HIP1R: variants seen among roughly 807,000 people sequenced by gnomAD.
HIP1R encodes the protein huntingtin-interacting protein 1-related protein.
A neutral mutation model predicts 144.2 loss-of-function variants in HIP1R; 135 were observed. The observed-to-expected ratio is 0.94, with a 90% CI of 0.81 to 1.08. The LOEUF (loss-of-function observed/expected upper bound fraction) is 1.08, where lower values mean the gene tolerates loss of function less well. HIP1R is among the 50% of genes least tolerant of loss of function. The pLI, the probability that HIP1R is intolerant of heterozygous loss-of-function variation, is 0.00. For synonymous variants in HIP1R, 698 were observed against 612.8 expected (o/e 1.14, Z -2.05); for missense variants, 1,462 against 1,432.8 (o/e 1.02, Z -0.33).
Position 122,835,642 on chromosome 12 carries a change from A to C in HIP1R, c.92A>C (p.Gln31Pro). The change falls in exon 1 of 32, where the codon CAG (glutamine) becomes CCG (proline). Residue 31 changes from glutamine to proline, a missense_variant and splice_region_variant. Transcript: ENST00000253083. ...GAGCGCGAGCAGTTCGACAAGACCC[A>C]GGCGAGCGGGCGGCGGGCGGCGGGC... ...EAEREQFDKT[Q>P]AISISKAINT... 3 of 1,099,558 alleles carry C rather than the reference A, an allele frequency of 2.7e-6. No homozygotes were observed. Among genetic ancestry groups the C allele is most frequent in the Non-Finnish European group, 3.3e-6 (3 of 907,858 alleles). 68.1% of individuals were successfully genotyped at this position (1,099,558 alleles called of 1,614,324 possible).
chr12:122,852,474 C>T (rs977293001), intron 7 of HIP1R, among the ~76,000 whole-genome samples: 1 of 152,222 alleles, frequency 6.6e-6, no homozygotes, highest in Non-Finnish European at 1.5e-5. Flanking sequence ...TGGGAGAAGG[C>T]CAGTGTGGGC....
intron 2 of HIP1R, 105 bp downstream of exon 2, chr12:122,848,199 C>A: frequency 7.9e-7 from 1 of 1,264,114 alleles, no homozygotes; most frequent in African/African-American, 1.5e-5. Context: ...CAAGTTCCCT[C>A]ACTGAGCCCG....
intron 5 of HIP1R, 68 bp downstream of exon 5, chr12:122,850,023 C>T (rs779328558): frequency 6.9e-6 from 7 of 1,018,710 alleles, no homozygotes; most frequent in Non-Finnish European, 1.1e-5. Flanking sequence ...CGTTATGGCA[C>T]ATGTTGGGAC....
At chr12:122,855,010 C>T (rs776752371) in intron 9 of HIP1R, 43 bp from the exon 10 acceptor site, 2 of 1,613,536 alleles carry the variant, frequency 1.2e-6, no homozygotes, top group Non-Finnish European at 1.7e-6. Flanking sequence ...GGGAGAGGCT[C>T]CGTGGCCCCT....
At chr12:122,858,530 G>C in intron 20 of HIP1R, 95 bp downstream of exon 20, 1 of 1,043,848 alleles carries the variant, frequency 9.6e-7, no homozygotes, top group South Asian at 1.6e-5. Flanking sequence ...ACAGACAGCA[G>C]GGACCTCTCT....
Position 122,859,158 on chromosome 12 carries a change from G to T in HIP1R, c.2256G>T (p.Leu752=). 2.5e-6 allele frequency: 4 copies of T among 1,579,748 alleles called. No individual in the cohort carries two copies. Among genetic ancestry groups the T allele is most frequent in the Non-Finnish European group, 3.4e-6 (4 of 1,163,690 alleles). The change falls in exon 22 of 32, where the codon CTG becomes CTT. Residue 752 remains leucine, a synonymous_variant. Coordinates refer to ENST00000253083, the MANE Select transcript of HIP1R (RefSeq NM_003959.3). ...CTCTGCGGCACATGCAGGCCAGCCT[G>T]GTGCGGACACCCCTGCAGGGCATCC... ...QQALRHMQAS[L]VRTPLQGILQ...
chr12:122,856,018 T>C lies in HIP1R; in HGVS notation c.1167T>C (p.Asn389=). Residue 389 remains asparagine (N), a synonymous_variant, in exon 14 of 32, where the codon AAT becomes AAC. Coordinates refer to ENST00000253083, the MANE Select transcript of HIP1R (RefSeq NM_003959.3). ...TCGCGCAGCTGAAGAGCCAGGTGAATGCACTGGAGGGTGAGCTGGAGGAGC... is the reference window on the plus strand; with the variant it reads ...TCGCGCAGCTGAAGAGCCAGGTGAACGCACTGGAGGGTGAGCTGGAGGAGC... ...RYIAQLKSQV[N]ALEGELEEQR... 6.3e-7 allele frequency: 1 copy of C among 1,596,450 alleles called. No homozygotes were observed. The highest frequency in any genetic ancestry group is 8.5e-7 in the Non-Finnish European group (1 of 1,171,846).
At chr12:122,849,575 C>T (rs545375682) in intron 4 of HIP1R, among the ~76,000 whole-genome samples, 1 of 152,234 alleles carries the variant, frequency 6.6e-6, no homozygotes. Context: ...TGTGTCCAGG[C>T]GCCCGTCGGG....
At chr12:122,859,040 C>T (rs2033683079) in intron 21 of HIP1R, 21 bp from the exon 22 acceptor site, 5 of 1,606,018 alleles carry the variant, frequency 3.1e-6, no homozygotes, top group African/African-American at 2.7e-5. Context: ...GGGCTCCACT[C>T]ACGGTCCTTT....
intron 19 of HIP1R, 34 bp from the exon 20 acceptor site, chr12:122,858,315 G>A (rs1427711059): frequency 6.3e-7 from 1 of 1,594,250 alleles, no homozygotes; most frequent in South Asian, 1.1e-5. Context: ...TGAGCAGCGG[G>A]TGGCAGGGGC....
Position 122,859,057 on chromosome 12 carries a change from C to A in HIP1R, c.2159-4C>A. The A allele has an allele frequency of 6.2e-7, 1 of 1,606,366 alleles. No homozygotes were observed. The highest frequency in any genetic ancestry group is 8.5e-7 in the Non-Finnish European group (1 of 1,176,964). ...GCTCCACTCACGGTCCTTTCTCACC[C>A]CAGGCCTCATAGACACCTGCAGGGA... is the stretch of plus-strand genomic sequence containing the variant. On this transcript the variant is annotated splice_polypyrimidine_tract_variant and splice_region_variant and intron_variant, in intron 21 of 31. Transcript: ENST00000253083.
chr12:122,856,721 G>C lies in HIP1R; in HGVS notation c.1615G>C (p.Glu539Gln), dbSNP rs775237120. ...CGCGCAGGAGGCCCTGAGCCACACA[G>C]AGCAGGTGCATCTGGCTTTGATGAC... ...ARAQEALSHT[E>Q]QSKSELSSRL... is the part of the protein sequence containing the mutation. The change falls in exon 17 of 32, where the codon GAG becomes CAG. Residue 539 changes from glutamate (E) to glutamine (Q), a missense_variant. Glu to Gln is a conservative substitution (Grantham distance 29). Transcript: ENST00000253083. 1.6e-5 allele frequency: 25 copies of C among 1,572,226 alleles called. No homozygotes were observed. The highest frequency in any genetic ancestry group is 4.6e-5 in the East Asian group (2 of 43,222).
In HIP1R at chr12:122,860,046, G is replaced by C; in HGVS notation, c.2466-1G>C. 1 of 1,556,326 alleles carries C rather than the reference G, an allele frequency of 6.4e-7. No individual in the cohort carries two copies. The highest frequency in any genetic ancestry group is 1.4e-5 in the African/African-American group (1 of 73,390). ...GCTAAGTCTCTCCTTCTCTCCCCCA[G>C]GATCCTCAACTCCTGCACAGACCTG... On this transcript the variant is annotated splice_acceptor_variant, in intron 24 of 31. Coordinates refer to ENST00000253083, the MANE Select transcript of HIP1R (RefSeq NM_003959.3). LOFTEE classifies it high-confidence loss of function.
chr12:122,859,610 A>G, intron 23 of HIP1R, 74 bp downstream of exon 23: 2 of 1,365,960 alleles, frequency 1.5e-6, no homozygotes, highest in South Asian at 1.2e-5. Context: ...TGGGCTGGGT[A>G]CAGGCTGCAC....
intron 1 of HIP1R, among the ~76,000 whole-genome samples, chr12:122,843,812 C>T (rs10847869): frequency 1.3e-5 from 2 of 152,132 alleles, no homozygotes; most frequent in African/African-American, 4.8e-5. Context: ...CCTCCAACTC[C>T]CTTCTGCAAG....
upstream of HIP1R, chr12:122,835,147 G>A: frequency 1.7e-6 from 1 of 590,260 alleles, no homozygotes; most frequent in Admixed American, 3.3e-5. Context: ...GGGAGGAGCT[G>A]GGGGGGCGTT....
At chr12:122,845,759 T>C (rs1312236923) in intron 1 of HIP1R, among the ~76,000 whole-genome samples, 2 of 152,104 alleles carry the variant, frequency 1.3e-5, no homozygotes, top group Non-Finnish European at 2.9e-5. Context: ...ACAGGGCGGC[T>C]GCAGGAGGGT....
In HIP1R at chr12:122,856,322, T is replaced by C. The variant is rs1345239871; in HGVS notation, c.1379T>C (p.Val460Ala). 2.5e-6 allele frequency: 4 copies of C among 1,613,862 alleles called. No homozygotes were observed. The highest frequency in any genetic ancestry group is 3.4e-6 in the Non-Finnish European group (4 of 1,180,002). The change falls in exon 15 of 32, where the codon GTG (valine) becomes GCG (alanine). Residue 460 changes from valine (V) to alanine (A), a missense_variant. Val to Ala is a moderately conservative substitution (Grantham distance 64, BLOSUM62 0). Coordinates refer to ENST00000253083, the MANE Select transcript of HIP1R (RefSeq NM_003959.3). ...GAAAAGCACAGTGAGCTCGTCCATGTGCACGCGGAGCTGCTCAGAAAGGTA... is the reference window on the plus strand; with the variant it reads ...GAAAAGCACAGTGAGCTCGTCCATGCGCACGCGGAGCTGCTCAGAAAGGTA... ...LKEKHSELVHVHAELLRKNAD... is the reference protein window; with the variant it reads ...LKEKHSELVHAHAELLRKNAD...
At chr12:122,855,651 G>A in intron 12 of HIP1R, 39 bp downstream of exon 12, 1 of 1,546,420 alleles carries the variant, frequency 6.5e-7, no homozygotes, top group Non-Finnish European at 8.7e-7. Flanking sequence ...GGGGTGGTTG[G>A]AAACGGGCTC....
Sources: allele counts gnomAD v4.1 joint callset (sites outside exome capture counted in the v4.1 genomes callset), GRCh38; gene constraint gnomAD v4.1.1; transcripts MANE v1.5; gene names NCBI Gene and HGNC (gene_info 2026-07-23, HGNC 2026-07-21).